Variants in EPHA6 observed in about 807,000 individuals in gnomAD.
EPHA6 encodes the protein EPH receptor A6.
EPHA6 carries 50 observed loss-of-function variants against 112.0 expected under a neutral mutation model. The ratio of observed to expected loss-of-function variants is 0.45; its 90% CI spans 0.36 to 0.56. EPHA6 has a LOEUF of 0.56. EPHA6 is among the 20% of genes least tolerant of loss of function. The pLI, the probability that EPHA6 is intolerant of heterozygous loss-of-function variation, is 0.00. For missense variants in EPHA6, 1,280 were observed against 1,417.4 expected (o/e 0.90, Z 1.56); for synonymous variants, 529 against 490.7 (o/e 1.08, Z -1.03).
chr3:97,478,982 T>TA (rs1449981367), intron 8 of EPHA6, among the ~76,000 whole-genome samples: 1 of 152,170 alleles, frequency 6.6e-6, no homozygotes, highest in Non-Finnish European at 1.5e-5. Flanking sequence ...ATGCTTTTTT[T>TA]ATTTTGACTT....
chr3:96,895,598 A>G (rs1485746400), intron 2 of EPHA6, among the ~76,000 whole-genome samples: 2 of 152,188 alleles, frequency 1.3e-5, no homozygotes, highest in Non-Finnish European at 2.9e-5. Flanking sequence ...CAGCTCTGCA[A>G]GCTCCCTTCA....
chr3:97,234,156 A>G lies in EPHA6; in HGVS notation c.1270+7737A>G, dbSNP rs533635284. Among the ~76,000 whole-genome samples, 3 of 152,244 alleles carry G rather than the reference A, an allele frequency of 2.0e-5. No homozygotes were observed. The South Asian group carries it at 6.2e-4, about 32-fold the overall frequency. ...AAATGGCTACAGTCTAAAGAAAATTATGTCTCACATTCAAAGCTAATCCTT... is the reference window on the plus strand; with the variant it reads ...AAATGGCTACAGTCTAAAGAAAATTGTGTCTCACATTCAAAGCTAATCCTT... On this transcript the variant is annotated intron_variant, in intron 4 of 17. Coordinates refer to ENST00000389672, the MANE Select transcript of EPHA6 (RefSeq NM_001080448.3).
chr3:97,343,833 C>T (rs1315318155), intron 5 of EPHA6, among the ~76,000 whole-genome samples: 14 of 152,146 alleles, frequency 9.2e-5, no homozygotes, highest in African/African-American at 2.4e-5. Context: ...TGCAGGGCTG[C>T]CCTACAGAGC....
At chr3:97,122,821 T>C (rs758684509) in intron 3 of EPHA6, among the ~76,000 whole-genome samples, 1 of 151,952 alleles carries the variant, frequency 6.6e-6, no homozygotes, top group Non-Finnish European at 1.5e-5. Context: ...AATATAAACA[T>C]GTATGTGTAT....
intron 2 of EPHA6, among the ~76,000 whole-genome samples, chr3:96,980,337 G>A (rs1481380297): frequency 2.0e-5 from 3 of 152,084 alleles, no homozygotes; most frequent in African/African-American, 7.2e-5. Flanking sequence ...GTTTATGTCA[G>A]GTTTGTCAAA....
intron 3 of EPHA6, among the ~76,000 whole-genome samples, chr3:97,172,664 A>C (rs2076733212): frequency 6.6e-6 from 1 of 151,878 alleles, no homozygotes; most frequent in Non-Finnish European, 1.5e-5. Context: ...ATGTATCTGT[A>C]GGTTTGTGTA....
At chr3:96,883,428 A>G (rs1409557245) in intron 2 of EPHA6, among the ~76,000 whole-genome samples, 2 of 152,168 alleles carry the variant, frequency 1.3e-5, no homozygotes, top group Non-Finnish European at 2.9e-5. Flanking sequence ...ATTAGGTCCC[A>G]GCTATTTATC....
At chr3:97,600,233 C>T (rs1327885177) in intron 12 of EPHA6, among the ~76,000 whole-genome samples, 1 of 149,568 alleles carries the variant, frequency 6.7e-6, no homozygotes, top group East Asian at 2.0e-4. Context: ...TTGACTTCCT[C>T]TTTTCCTAAT....
intron 3 of EPHA6, among the ~76,000 whole-genome samples, chr3:97,141,246 C>A (rs1006835946): frequency 1.3e-5 from 2 of 152,012 alleles, no homozygotes; most frequent in Non-Finnish European, 2.9e-5. Context: ...GATTTTAACA[C>A]CCCACTGACA....
At chr3:97,474,172 G>GA (rs2091305282) in intron 7 of EPHA6, among the ~76,000 whole-genome samples, 1 of 151,700 alleles carries the variant, frequency 6.6e-6, no homozygotes, top group Admixed American at 6.6e-5. Flanking sequence ...TCAATTCCCA[G>GA]AAAAAGATCT....
At chr3:97,214,038 T>TGAGAGAGA (rs1185912976) in intron 3 of EPHA6, among the ~76,000 whole-genome samples, 814 of 77,806 alleles carry the variant, frequency 0.01, 19 homozygotes, top group African/African-American at 0.026. Context: ...TGTGTGTGTG[T>TGAGAGAGA]GAGAGAGAGA....
chr3:96,830,142 G>A (rs2033964162), intron 1 of EPHA6, among the ~76,000 whole-genome samples: 2 of 151,780 alleles, frequency 1.3e-5, no homozygotes, highest in African/African-American at 2.4e-5. Context: ...CTATAATTCA[G>A]GTCATATTAC....
At position 97,138,108 on chromosome 3, in the gene EPHA6, C is replaced by T. The variant is rs78635290; in HGVS notation, c.1115-88156C>T. ...CCAGGACCATTCTCTGGACCCAAAG[C>T]CAAGGAGTAGGTGAGTGAAGGAACC... On this transcript the variant is annotated intron_variant, in intron 3 of 17. Transcript: ENST00000389672. Among the ~76,000 whole-genome samples the T allele has an allele frequency of 3.1e-3, 466 of 152,222 alleles. 3 individuals carry two copies. Among genetic ancestry groups the T allele is most frequent in the African/African-American group, 0.01 (424 of 41,550 alleles).
At chr3:96,841,956 A>G (rs941829341) in intron 1 of EPHA6, among the ~76,000 whole-genome samples, 4 of 152,162 alleles carry the variant, frequency 2.6e-5, no homozygotes, top group Admixed American at 1.3e-4. Flanking sequence ...TCTTCTTACC[A>G]TCATCCACTC....
chr3:97,190,694 T>A (rs2077278084), intron 3 of EPHA6, among the ~76,000 whole-genome samples: 1 of 152,054 alleles, frequency 6.6e-6, no homozygotes, highest in Non-Finnish European at 1.5e-5. Flanking sequence ...AATTAATATA[T>A]CCATTATCTC....
intron 14 of EPHA6, among the ~76,000 whole-genome samples, chr3:97,661,416 G>T (rs745606837): frequency 3.9e-5 from 6 of 152,136 alleles, no homozygotes; most frequent in Middle Eastern, 3.4e-3. Context: ...TATGTGGGTG[G>T]GGCCCTATTA....
chr3:97,700,367 G>C (rs576718360), intron 14 of EPHA6, among the ~76,000 whole-genome samples: 2 of 152,330 alleles, frequency 1.3e-5, no homozygotes, highest in African/African-American at 2.4e-5. Context: ...TGGGATGCCA[G>C]ATACCACATT....
intron 4 of EPHA6, among the ~76,000 whole-genome samples, chr3:97,230,967 C>A (rs1278962882): frequency 1.3e-5 from 2 of 152,100 alleles, no homozygotes; most frequent in East Asian, 3.8e-4. Context: ...TTTGTAGATA[C>A]AAATTTTCCA....
At chr3:97,624,143 G>A (rs987883340) in intron 13 of EPHA6, among the ~76,000 whole-genome samples, 4 of 151,636 alleles carry the variant, frequency 2.6e-5, no homozygotes, top group African/African-American at 4.8e-5. Flanking sequence ...AATTTATAAC[G>A]GTCGAGTATG....
Sources: allele counts gnomAD v4.1 joint callset (sites outside exome capture counted in the v4.1 genomes callset), GRCh38; gene constraint gnomAD v4.1.1; transcripts MANE v1.5; gene names NCBI Gene and HGNC (gene_info 2026-07-23, HGNC 2026-07-21).